Variants in MICAL3 observed in about 807,000 individuals in gnomAD.
MICAL3 encodes the protein [F-actin]-monooxygenase MICAL3.
Under a neutral mutation model 207.4 loss-of-function variants are expected in MICAL3, and 62 were observed. The observed-to-expected ratio is 0.30, with a 90% CI of 0.24 to 0.37. The LOEUF (loss-of-function observed/expected upper bound fraction) is 0.37. Ranked by LOEUF, MICAL3 falls within the 10% of genes least tolerant of loss-of-function variation. The pLI is 1.00. For synonymous variants in MICAL3, 1,077 were observed against 1,069.3 expected (o/e 1.01, Z -0.14); for missense variants, 2,368 against 2,635.6 (o/e 0.90, Z 2.22).
chr22:17,795,944 G>A (rs1013690995), intron 29 of MICAL3, among the ~76,000 whole-genome samples: 62 of 152,170 alleles, frequency 4.1e-4, no homozygotes, highest in Non-Finnish European at 1.3e-4. Context: ...TTAGGGGGAT[G>A]TAAGAAATAG....
intron 1 of MICAL3, among the ~76,000 whole-genome samples, chr22:17,918,606 C>CT (rs1345643807): frequency 6.6e-6 from 1 of 152,092 alleles, no homozygotes; most frequent in Non-Finnish European, 1.5e-5. Context: ...AGTATTATTA[C>CT]AAAAACAGTT....
At position 17,896,930 on chromosome 22, in the gene MICAL3, C is replaced by T. The variant is rs748305670; in HGVS notation, c.1000G>A (p.Ala334Thr). 8 of 1,613,810 alleles carry T rather than the reference C, an allele frequency of 5.0e-6. No homozygotes were observed. The highest frequency in any genetic ancestry group is 6.8e-6 in the Non-Finnish European group (8 of 1,179,898). The change falls in exon 8 of 32, where the codon GCT (alanine) becomes ACT (threonine). Residue 334 changes from alanine (A) to threonine (T), a missense_variant. Coordinates refer to ENST00000441493, the MANE Select transcript of MICAL3 (RefSeq NM_015241.3). ...GCCTCCCTGGCATAGCTGAGCAGAGCCTCCTGGTCCACGTTTTCTCGGGAA... is the reference window on the plus strand; with the variant it reads ...GCCTCCCTGGCATAGCTGAGCAGAGTCTCCTGGTCCACGTTTTCTCGGGAA... The part of the protein sequence containing the change: ...LLSRENVDQE[A>T]LLSYAREAAD...
intron 1 of MICAL3, chr22:18,005,039 T>C (rs1173199551): frequency 6.6e-6 from 1 of 152,056 alleles, no homozygotes; most frequent in Non-Finnish European, 1.5e-5. Context: ...TTTCAAGCGA[T>C]TCTCATGCCT....
intron 1 of MICAL3, among the ~76,000 whole-genome samples, chr22:18,001,731 T>C (rs1383235532): frequency 2.0e-5 from 3 of 152,198 alleles, no homozygotes; most frequent in Admixed American, 1.3e-4. Flanking sequence ...CTTCGTCCTC[T>C]CCGTCCCCCT....
chr22:17,841,655 G>T lies in MICAL3; in HGVS notation c.2801+167C>A, dbSNP rs79958615. 1 of 644,102 alleles carries T rather than the reference G, an allele frequency of 1.6e-6. No homozygotes were observed. Among genetic ancestry groups the T allele is most frequent in the South Asian group, 1.9e-5 (1 of 53,514 alleles). 39.9% of individuals were successfully genotyped at this position (644,102 alleles called of 1,614,324 possible). A position where few individuals can be genotyped will look rare whatever the true frequency, so the allele number is the denominator to read the frequency against. On this transcript the variant is annotated intron_variant, in intron 20 of 31. Coordinates refer to ENST00000441493, the MANE Select transcript of MICAL3 (RefSeq NM_015241.3). This position sits in a 1 kb window ranked among gnomAD's most constrained non-coding sequence, Gnocchi z 4.2. Reference sequence around the variant, plus strand: ...TGAGTCTGATGGAGGAGTCCTCACTGACTAGAAGATGAGGCTAAGAACCTA... The same window carrying T: ...TGAGTCTGATGGAGGAGTCCTCACTTACTAGAAGATGAGGCTAAGAACCTA...
chr22:17,835,815 C>T (rs1400289904), intron 20 of MICAL3, among the ~76,000 whole-genome samples: 1 of 152,222 alleles, frequency 6.6e-6, no homozygotes, highest in Non-Finnish European at 1.5e-5. Context: ...TCTGCCTCCC[C>T]CAGGGTCACA....
In MICAL3 at chr22:17,891,508, G is replaced by A. The variant is rs754163362; in HGVS notation, c.1671C>T (p.Ile557=). 4.8e-5 allele frequency: 77 copies of A among 1,614,006 alleles called. No homozygotes were observed. Among genetic ancestry groups the A allele is most frequent in the Non-Finnish European group, 6.4e-5 (76 of 1,179,900 alleles). ...WKSGLALCAI[I]HRYRPDLIDF... is the part of the protein sequence containing the mutation. ...ACATCAGGTCAGGGCGGTATCTATG[G>A]ATAATTGCACAAAGGGCCAAGCCAC... The change falls in exon 12 of 32, where the codon ATC becomes ATT. Residue 557 remains isoleucine (I), a synonymous_variant. Coordinates refer to ENST00000441493, the MANE Select transcript of MICAL3 (RefSeq NM_015241.3).
intron 11 of MICAL3, among the ~76,000 whole-genome samples, chr22:17,891,977 GCT>G (rs1256751041): frequency 2.0e-5 from 3 of 152,196 alleles, no homozygotes; most frequent in Admixed American, 2.0e-4. Context: ...GCTTACAGCA[GCT>G]CTGAGTTCCC....
chr22:17,939,462 G>C (rs1029787544), intron 1 of MICAL3, among the ~76,000 whole-genome samples: 1 of 152,190 alleles, frequency 6.6e-6, no homozygotes, highest in Non-Finnish European at 1.5e-5. Flanking sequence ...GGTGCTGCAG[G>C]GGCAAGTAGC....
intron 1 of MICAL3, among the ~76,000 whole-genome samples, chr22:17,995,991 T>C (rs1235436953): frequency 6.6e-6 from 1 of 151,014 alleles, no homozygotes; most frequent in Non-Finnish European, 1.5e-5. Context: ...CAAAACCCCA[T>C]CTCTACAAAA....
At position 17,826,197 on chromosome 22, in the gene MICAL3, C is replaced by T. The variant is rs192683834; in HGVS notation, c.3193+1447G>A. Among the ~76,000 whole-genome samples the T allele has an allele frequency of 7.2e-5, 10 of 138,666 alleles. No individual in the cohort carries two copies. The East Asian group carries it at 7.8e-4, about 11-fold the overall frequency. 91.0% of individuals were successfully genotyped at this position (138,666 alleles called of 152,430 possible). On this transcript the variant is annotated intron_variant, in intron 22 of 31. Transcript: ENST00000441493. ...TTCCTTTGGCTTTGGCCTTTTTATC[C>T]GACTCTTATCAATAAAAACCTGCCT...
intron 19 of MICAL3, chr22:17,861,733 C>T: frequency 1.0e-6 from 1 of 985,396 alleles, no homozygotes; most frequent in African/African-American, 1.7e-5. Flanking sequence ...CTTGGAAACA[C>T]AGCATTCATA....
rs146502124 is a variant in MICAL3, at chr22:17,943,225, C to T, written c.-74-36339G>A. Among the ~76,000 whole-genome samples, 882 of 152,256 alleles carry T rather than the reference C, an allele frequency of 5.8e-3. 7 individuals carry two copies. Among genetic ancestry groups the T allele is most frequent in the African/African-American group, 0.021 (855 of 41,550 alleles). On this transcript the variant is annotated intron_variant, in intron 1 of 31. Coordinates refer to ENST00000441493, the MANE Select transcript of MICAL3 (RefSeq NM_015241.3). ...TCACCCGGGCTTGAGTGCAATGGCGCGATTTCAGCTCACTGCAACCTCTGC... is the reference window on the plus strand; with the variant it reads ...TCACCCGGGCTTGAGTGCAATGGCGTGATTTCAGCTCACTGCAACCTCTGC...
chr22:17,948,318 A>G (rs1934171565), intron 1 of MICAL3, among the ~76,000 whole-genome samples: 1 of 152,208 alleles, frequency 6.6e-6, no homozygotes, highest in African/African-American at 2.4e-5. Context: ...TGGAATCCCA[A>G]GAGCTCCCAG....
rs2146134511 is a variant in MICAL3 at position 17,863,090 on chromosome 22, A to G, written c.2605+1809T>C. ...ACATTCTTCCTCTTATTCTCTATGG[A>G]AAGCGTAATTCTTTAGAACTCCTAA... On this transcript the variant is annotated intron_variant, in intron 19 of 31. Coordinates refer to ENST00000441493, the MANE Select transcript of MICAL3 (RefSeq NM_015241.3). 3 of 985,396 alleles carry G rather than the reference A, an allele frequency of 3.0e-6. No homozygotes were observed. The South Asian group carries it at 1.4e-4, about 46-fold the overall frequency. The allele number at this position is 985,396 out of a possible 1,614,324, so 61.0% of individuals were successfully genotyped here.
At chr22:17,882,622 G>GGA (rs1232882310) in intron 16 of MICAL3, among the ~76,000 whole-genome samples, 7 of 152,200 alleles carry the variant, frequency 4.6e-5, no homozygotes, top group African/African-American at 1.7e-4. Context: ...CATTTCACAT[G>GGA]GACTTAAGAA....
Position 17,889,075 on chromosome 22 carries a change from G to A in MICAL3, c.1850C>T (p.Thr617Ile). 1 of 1,613,314 alleles carries A rather than the reference G, an allele frequency of 6.2e-7. No homozygotes were observed. The highest frequency in any genetic ancestry group is 8.5e-7 in the Non-Finnish European group (1 of 1,179,394). ...GTCCTTAAACATCTCGTAGAACTGA[G>A]TCAGGTACATCACCATGGACAGCTT... ...PDKLSMVMYL[T>I]QFYEMFKDSL... Residue 617 changes from threonine to isoleucine, a missense_variant, in exon 13 of 32, where the codon ACT becomes ATT. Around this residue, in one of 4 missense-constraint regions of MICAL3, gnomAD observed 1,770 missense variants for 1,863.2 expected, o/e 0.95. Transcript: ENST00000441493.
At chr22:17,890,330 T>C (rs2146230102) in intron 12 of MICAL3, among the ~76,000 whole-genome samples, 1 of 152,160 alleles carries the variant, frequency 6.6e-6, no homozygotes, top group Non-Finnish European at 1.5e-5. Context: ...TCCCCTAACC[T>C]TCTCCAGGCG....
intron 13 of MICAL3, among the ~76,000 whole-genome samples, 159 bp from the exon 14 acceptor site, chr22:17,887,594 C>A (rs989813290): frequency 2.6e-5 from 4 of 152,204 alleles, no homozygotes; most frequent in Non-Finnish European, 4.4e-5. Context: ...GGAAACGCCA[C>A]GGAGGAAATG....
Sources: allele counts gnomAD v4.1 joint callset (sites outside exome capture counted in the v4.1 genomes callset), GRCh38; gene constraint gnomAD v4.1.1; regional missense constraint gnomAD v4.1.1; non-coding constraint Gnocchi (gnomAD v3.1); transcripts MANE v1.5; gene names NCBI Gene and HGNC (gene_info 2026-07-23, HGNC 2026-07-21).